CYB5R4: variants seen among roughly 807,000 people sequenced by gnomAD.
The protein encoded by CYB5R4 is N-terminal cytochrome b5 and cytochrome b5 oxidoreductase domain-containing protein.
CYB5R4 carries 55 observed loss-of-function variants against 70.2 expected under a neutral mutation model. The ratio of observed to expected loss-of-function variants is 0.78; its 90% confidence interval spans 0.63 to 0.98. The LOEUF is 0.98. CYB5R4 is among the 50% of genes least tolerant of loss of function. The pLI is 0.00. For missense variants in CYB5R4, 562 were observed against 612.6 expected (o/e 0.92, Z 0.87); for synonymous variants, 197 against 199.5 (o/e 0.99, Z 0.11).
intron 3 of CYB5R4, among the ~76,000 whole-genome samples, chr6:83,907,823 G>A (rs896944181): frequency 1.3e-5 from 2 of 152,022 alleles, no homozygotes; most frequent in African/African-American, 2.4e-5. Flanking sequence ...CTTTTTTATG[G>A]CTGCCTAGTA....
At chr6:83,898,005 G>A (rs1008391036) in intron 3 of CYB5R4, among the ~76,000 whole-genome samples, 1 of 151,964 alleles carries the variant, frequency 6.6e-6, no homozygotes, top group African/African-American at 2.4e-5. Context: ...AGGTTTTCTT[G>A]TAGGGTTTTT....
At chr6:83,879,052 G>A (rs1386257894) in intron 2 of CYB5R4, among the ~76,000 whole-genome samples, 1 of 152,098 alleles carries the variant, frequency 6.6e-6, no homozygotes, top group African/African-American at 2.4e-5. Flanking sequence ...GGCAGAAGGG[G>A]TTTTGCAGTT....
intron 2 of CYB5R4, among the ~76,000 whole-genome samples, chr6:83,892,884 A>T (rs996826670): frequency 3.3e-5 from 5 of 152,098 alleles, no homozygotes; most frequent in African/African-American, 1.2e-4. Context: ...GTACTTTCAA[A>T]AATTATATAC....
At chr6:83,905,174 C>T (rs1400739069) in intron 3 of CYB5R4, among the ~76,000 whole-genome samples, 1 of 152,176 alleles carries the variant, frequency 6.6e-6, no homozygotes, top group Non-Finnish European at 1.5e-5. Flanking sequence ...CCTGCCTCAG[C>T]CGCCCAAGTA....
chr6:83,870,119 T>C (rs571750446), intron 2 of CYB5R4, among the ~76,000 whole-genome samples: 3 of 152,308 alleles, frequency 2.0e-5, no homozygotes, highest in Admixed American at 2.0e-4. Flanking sequence ...GTTTATGTAT[T>C]GATTGGTTGA....
At chr6:83,923,172 A>G (rs2099466684) in intron 9 of CYB5R4, among the ~76,000 whole-genome samples, 1 of 152,048 alleles carries the variant, frequency 6.6e-6, no homozygotes, top group Non-Finnish European at 1.5e-5. Context: ...TTAAATGTTT[A>G]ATGTTGAGAG....
chr6:83,947,053 C>G (rs2129144346), intron 14 of CYB5R4, among the ~76,000 whole-genome samples: 1 of 152,262 alleles, frequency 6.6e-6, no homozygotes. Context: ...TAGAAAAAAA[C>G]TATTTTAAAT....
chr6:83,956,533 G>A (rs1367634505), intron 15 of CYB5R4, among the ~76,000 whole-genome samples: 2 of 152,126 alleles, frequency 1.3e-5, no homozygotes, highest in East Asian at 3.8e-4. Flanking sequence ...AAGTCTTACA[G>A]TGGCTGCCCT....
At chr6:83,959,677 G>A in intron 15 of CYB5R4, 147 bp from the exon 16 acceptor site, 1 of 635,558 alleles carries the variant, frequency 1.6e-6, no homozygotes, top group East Asian at 3.2e-5. Flanking sequence ...AATTTTTTAA[G>A]AGGTGATAGT....
At chr6:83,922,619 C>CTTTT (rs58965806) in intron 9 of CYB5R4, 149 bp downstream of exon 9, 4 of 546,556 alleles carry the variant, frequency 7.3e-6, no homozygotes, top group Admixed American at 7.1e-5. Flanking sequence ...GATGTTTTCT[C>CTTTT]TTTTTTTTTT....
At chr6:83,887,724 G>C (rs1220872225) in intron 2 of CYB5R4, among the ~76,000 whole-genome samples, 3 of 127,770 alleles carry the variant, frequency 2.3e-5, no homozygotes, top group Non-Finnish European at 4.8e-5. Flanking sequence ...TCTGTTCCTG[G>C]TTAGAGTTTA....
intron 10 of CYB5R4, among the ~76,000 whole-genome samples, chr6:83,925,499 T>C (rs1241595899): frequency 6.6e-6 from 1 of 152,218 alleles, no homozygotes; most frequent in Non-Finnish European, 1.5e-5. Context: ...AAGTTTAACA[T>C]ATATATAGAA....
At chr6:83,898,609 T>C (rs1036895055) in intron 3 of CYB5R4, among the ~76,000 whole-genome samples, 4 of 152,236 alleles carry the variant, frequency 2.6e-5, no homozygotes, top group African/African-American at 9.6e-5. Context: ...TGGAATGTTC[T>C]TCCATTTGTT....
chr6:83,928,730 C>A (rs950785829), intron 10 of CYB5R4, among the ~76,000 whole-genome samples: 12 of 151,956 alleles, frequency 7.9e-5, no homozygotes, highest in Non-Finnish European at 1.3e-4. Flanking sequence ...AGAAAAGGGA[C>A]AATGGAAATG....
intron 10 of CYB5R4, among the ~76,000 whole-genome samples, chr6:83,928,805 A>G (rs1348065147): frequency 7.9e-5 from 12 of 152,178 alleles, no homozygotes; most frequent in African/African-American, 1.2e-4. Flanking sequence ...TGACTGAAAA[A>G]TCATAGCAAA....
chr6:83,891,386 A>T (rs550041276), intron 2 of CYB5R4, among the ~76,000 whole-genome samples: 1 of 152,302 alleles, frequency 6.6e-6, no homozygotes, highest in East Asian at 1.9e-4. Context: ...AAAAGCATAA[A>T]GTTTGTTTTT....
At chr6:83,887,026 CA>C (rs2099460356) in intron 2 of CYB5R4, among the ~76,000 whole-genome samples, 3 of 152,200 alleles carry the variant, frequency 2.0e-5, no homozygotes, top group Admixed American at 2.0e-4. Flanking sequence ...CAGTCTTTAT[CA>C]GAGGCAATTG....
chr6:83,939,095 C>G (rs997826670), intron 12 of CYB5R4, among the ~76,000 whole-genome samples: 1 of 152,026 alleles, frequency 6.6e-6, no homozygotes, highest in Non-Finnish European at 1.5e-5. Context: ...CTTGGCCTCC[C>G]GAAGTGCTGG....
intron 2 of CYB5R4, among the ~76,000 whole-genome samples, chr6:83,891,821 T>C (rs2099461167): frequency 6.6e-6 from 1 of 152,160 alleles, no homozygotes; most frequent in African/African-American, 2.4e-5. Context: ...TGTTTTAGGC[T>C]TTATGTGCTC....
Sources: allele counts gnomAD v4.1 joint callset (sites outside exome capture counted in the v4.1 genomes callset), GRCh38; gene constraint gnomAD v4.1.1; transcripts MANE v1.5; gene names NCBI Gene and HGNC (gene_info 2026-07-23, HGNC 2026-07-21).